Variants in PTPRD observed in about 807,000 individuals in gnomAD.
PTPRD encodes the protein receptor-type tyrosine-protein phosphatase delta.
Under a neutral mutation model 214.5 loss-of-function variants are expected in PTPRD, and 34 were observed. That is an observed-to-expected ratio of 0.16 (90% confidence interval 0.12 to 0.21). PTPRD has a LOEUF of 0.21. Ranked by LOEUF, PTPRD falls within the 10% of genes least tolerant of loss-of-function variation. PTPRD has a pLI of 1.00. For missense variants in PTPRD, 2,545 were observed against 2,398.7 expected (o/e 1.06, Z -1.27); for synonymous variants, 1,128 against 845.7 (o/e 1.33, Z -5.79).
At chr9:8,810,212 A>G (rs2096773745) in intron 11 of PTPRD, among the ~76,000 whole-genome samples, 1 of 152,236 alleles carries the variant, frequency 6.6e-6, no homozygotes, top group African/African-American at 2.4e-5. Context: ...CTTTTGCCAT[A>G]GTATGATAGA....
At chr9:8,963,804 G>A (rs889040969) in intron 11 of PTPRD, among the ~76,000 whole-genome samples, 2 of 151,936 alleles carry the variant, frequency 1.3e-5, no homozygotes, top group African/African-American at 2.4e-5. Flanking sequence ...TGTAGAGATG[G>A]GGTCTTCCTA....
At position 9,977,450 on chromosome 9, in the gene PTPRD, T is replaced by C. The variant is rs182427387; in HGVS notation, c.-471-38840A>G. 1.6e-4 allele frequency among the ~76,000 whole-genome samples: 25 copies of C among 152,328 alleles called. No individual in the cohort carries two copies. The East Asian group carries it at 4.2e-3, about 26-fold the overall frequency. ...ATAGAGTTTTGTACTCTCAGATCTA[T>C]GTTTAAGTTTTTAATGTTGAAAAAA... On this transcript the variant is annotated intron_variant, in intron 4 of 45. Coordinates refer to ENST00000381196, the MANE Select transcript of PTPRD (RefSeq NM_002839.4).
chr9:9,229,741 T>C (rs1261216256), intron 9 of PTPRD, among the ~76,000 whole-genome samples: 2 of 151,998 alleles, frequency 1.3e-5, no homozygotes, highest in East Asian at 3.9e-4. Flanking sequence ...ACTGACTCTT[T>C]TCAAGGGAAG....
chr9:8,479,157 G>T (rs2096829144), intron 30 of PTPRD, among the ~76,000 whole-genome samples: 4 of 152,184 alleles, frequency 2.6e-5, no homozygotes, highest in Admixed American at 2.6e-4. Context: ...GGAGCTTCTT[G>T]TAATACCTGA....
intron 8 of PTPRD, among the ~76,000 whole-genome samples, chr9:9,539,333 G>C (rs1591096894): frequency 1.3e-5 from 2 of 151,902 alleles, no homozygotes; most frequent in East Asian, 3.9e-4. Flanking sequence ...GGAATGAAAG[G>C]GGGTAGGTGG....
Position 9,234,581 on chromosome 9 carries a change from A to G in PTPRD, c.-202-51218T>C, listed in dbSNP as rs147488429. 7.8e-3 allele frequency among the ~76,000 whole-genome samples: 1,180 copies of G among 152,218 alleles called. 15 individuals carry two copies. The highest frequency in any genetic ancestry group is 0.027 in the African/African-American group (1,126 of 41,546). On this transcript the variant is annotated intron_variant, in intron 9 of 45. Transcript: ENST00000381196. ...CCGGCTGCAAATTTTCCAAACTTTT[A>G]TGCTTTGCTTTCTCTTGAACACTTT...
At chr9:9,831,930 C>T (rs2054989740) in intron 5 of PTPRD, among the ~76,000 whole-genome samples, 1 of 151,876 alleles carries the variant, frequency 6.6e-6, no homozygotes, top group Admixed American at 6.6e-5. Flanking sequence ...AAAATGTGGA[C>T]CCAACCGCGA....
At chr9:10,454,824 C>T (rs1357746584) in intron 2 of PTPRD, among the ~76,000 whole-genome samples, 1 of 151,736 alleles carries the variant, frequency 6.6e-6, no homozygotes, top group Non-Finnish European at 1.5e-5. Context: ...CACACACACA[C>T]ACACATGCAC....
Position 8,624,868 on chromosome 9 carries a change from C to A in PTPRD, c.352+8449G>T, listed in dbSNP as rs148704006. On this transcript the variant is annotated intron_variant, in intron 14 of 45. Coordinates refer to ENST00000381196, the MANE Select transcript of PTPRD (RefSeq NM_002839.4). ...GCCTCGACTTCTTGACTCTCAATCA[C>A]GCTCTTCATCTTGCAGAGGCCACTG... 2.0e-5 allele frequency among the ~76,000 whole-genome samples: 3 copies of A among 151,806 alleles called. No individual in the cohort carries two copies. In the South Asian group the frequency reaches 6.2e-4, roughly 31 times the overall value.
intron 5 of PTPRD, among the ~76,000 whole-genome samples, chr9:9,931,649 G>A (rs943209397): frequency 4.0e-5 from 6 of 151,352 alleles, no homozygotes; most frequent in African/African-American, 1.5e-4. Flanking sequence ...GAGGCTGGGG[G>A]AGGGGCGCCC....
At chr9:10,397,033 G>C (rs2098184242) in intron 2 of PTPRD, among the ~76,000 whole-genome samples, 2 of 151,960 alleles carry the variant, frequency 1.3e-5, no homozygotes, top group African/African-American at 4.8e-5. Context: ...CTTACAAATA[G>C]CTTAGAAATA....
At chr9:8,891,388 T>A (rs2098538929) in intron 11 of PTPRD, among the ~76,000 whole-genome samples, 1 of 151,878 alleles carries the variant, frequency 6.6e-6, no homozygotes, top group African/African-American at 2.4e-5. Flanking sequence ...CGCCTCGGCC[T>A]CCCAAAGTGC....
At chr9:9,568,813 C>G (rs1367785116) in intron 8 of PTPRD, among the ~76,000 whole-genome samples, 1 of 151,668 alleles carries the variant, frequency 6.6e-6, no homozygotes, top group Non-Finnish European at 1.5e-5. Flanking sequence ...AGATGAAGAC[C>G]TTTTTGTAGC....
At chr9:9,805,763 CGTTT>C (rs930643976) in intron 5 of PTPRD, among the ~76,000 whole-genome samples, 12 of 152,078 alleles carry the variant, frequency 7.9e-5, no homozygotes, top group South Asian at 2.1e-4. Flanking sequence ...ACCTTTCAAA[CGTTT>C]GTTTATCAGC....
At chr9:9,906,427 C>G (rs891246041) in intron 5 of PTPRD, among the ~76,000 whole-genome samples, 1 of 151,746 alleles carries the variant, frequency 6.6e-6, no homozygotes, top group African/African-American at 2.4e-5. Context: ...TTTATCTTAT[C>G]TTTTACTGGT....
chr9:9,105,907 CTTTTTGGTACA>C (rs2099797812), intron 10 of PTPRD, among the ~76,000 whole-genome samples: 1 of 152,156 alleles, frequency 6.6e-6, no homozygotes. Context: ...ACCCAGTGCT[CTTTTTGGTACA>C]TTCAGGGTTG....
intron 7 of PTPRD, among the ~76,000 whole-genome samples, chr9:9,679,294 T>C (rs996676167): frequency 6.6e-6 from 1 of 151,766 alleles, no homozygotes; most frequent in Non-Finnish European, 1.5e-5. Flanking sequence ...ACACAAAAGA[T>C]GGCACCATTG....
chr9:9,755,799 A>G (rs2098565316), intron 6 of PTPRD, among the ~76,000 whole-genome samples: 1 of 152,044 alleles, frequency 6.6e-6, no homozygotes, highest in Non-Finnish European at 1.5e-5. Context: ...TTACTTACTC[A>G]TTGTCAAATA....
intron 10 of PTPRD, among the ~76,000 whole-genome samples, chr9:9,152,979 T>C (rs1013547089): frequency 6.6e-6 from 1 of 152,202 alleles, no homozygotes; most frequent in Non-Finnish European, 1.5e-5. Flanking sequence ...TGTTCACTAG[T>C]AGCAAACCCT....
Sources: gnomAD v4.1 joint callset for allele counts (sites outside exome capture counted in the v4.1 genomes callset) on GRCh38, gnomAD v4.1.1 for gene constraint, MANE v1.5 for transcripts, NCBI Gene and HGNC (gene_info 2026-07-23, HGNC 2026-07-21) for gene names.